Variants in DMD observed in about 807,000 individuals in gnomAD.
DMD encodes the protein dystrophin.
Under a neutral mutation model 330.1 loss-of-function variants are expected in DMD, and 63 were observed. The ratio of observed to expected loss-of-function variants is 0.19; its 90% confidence interval spans 0.16 to 0.24. DMD has a LOEUF of 0.24. DMD is among the 10% of genes least tolerant of loss of function. DMD has a pLI of 1.00. For missense variants in DMD, 3,344 were observed against 2,684.1 expected, an observed-to-expected ratio of 1.25 and a Z score of -5.43; for synonymous variants, 1,223 against 959.8, an observed-to-expected ratio of 1.27 and a Z score of -5.07.
At chrX:32,493,195 C>G (rs1431761549) in intron 19 of DMD, among the ~76,000 whole-genome samples, 1 of 111,473 alleles carries the variant, frequency 9.0e-6, no homozygotes, top group Non-Finnish European at 1.9e-5. Context: ...TCCCTCTGCC[C>G]TGATAGTCTA....
At chrX:32,595,677 C>A (rs1382535809) in intron 13 of DMD, 80 bp downstream of exon 13, 2 of 952,742 alleles carry the variant, frequency 2.1e-6, no homozygotes, top group East Asian at 3.4e-5. Flanking sequence ...ATATAAATTG[C>A]ATTCTAAATT....
chrX:32,930,289 C>T (rs945182331), intron 2 of DMD, among the ~76,000 whole-genome samples: 6 of 110,446 alleles, frequency 5.4e-5, no homozygotes, highest in African/African-American at 1.6e-4. Flanking sequence ...ATCCTAAAGT[C>T]GAAAAATTGT....
chrX:32,260,064 C>G (rs1215021263), intron 43 of DMD, among the ~76,000 whole-genome samples: 1 of 111,143 alleles, frequency 9.0e-6, no homozygotes, highest in Non-Finnish European at 1.9e-5. Context: ...CTTTGGATAT[C>G]TTGGTATTGA....
Position 33,220,330 on chromosome X carries a change from G to C in DMD, c.7+118929C>G, listed in dbSNP as rs563199476. ...AAGCAGGCTCACCCCTACCATTTCA[G>C]TCTTGGATGGATACTCAGTACTAGT... On this transcript the variant is annotated intron_variant, in intron 1 of 17. Coordinates refer to the DMD transcript ENST00000288447. Among the ~76,000 whole-genome samples the C allele has an allele frequency of 3.6e-4, 40 of 111,304 alleles. No individual in the cohort carries two copies. The South Asian group carries it at 0.013, about 37-fold the overall frequency.
At chrX:32,095,077 G>T (rs2096496759) in intron 44 of DMD, among the ~76,000 whole-genome samples, 1 of 111,499 alleles carries the variant, frequency 9.0e-6, no homozygotes, top group African/African-American at 3.3e-5. Flanking sequence ...TGTGCTGGAG[G>T]TGAATTACCA....
chrX:32,084,702 T>G (rs2147931738), intron 44 of DMD, among the ~76,000 whole-genome samples: 1 of 111,562 alleles, frequency 9.0e-6, no homozygotes, highest in South Asian at 3.8e-4. Context: ...AGTTGCCAAT[T>G]ACACTGCCGA....
intron 44 of DMD, among the ~76,000 whole-genome samples, chrX:32,170,361 A>G (rs2038865528): frequency 9.2e-6 from 1 of 109,200 alleles, no homozygotes; most frequent in Admixed American, 9.9e-5. Context: ...AATCCCAGCT[A>G]TTCAGGAGGC....
intron 53 of DMD, among the ~76,000 whole-genome samples, chrX:31,667,876 T>C (rs751660128): frequency 3.6e-5 from 4 of 112,183 alleles, no homozygotes; most frequent in African/African-American, 1.3e-4. Context: ...TTCACCATTT[T>C]ACATTTCCAC....
intron 62 of DMD, among the ~76,000 whole-genome samples, chrX:31,265,206 C>G (rs923393667): frequency 8.9e-6 from 1 of 112,608 alleles, no homozygotes; most frequent in Non-Finnish European, 1.9e-5. Context: ...TTGATCCACA[C>G]ACACAAATGA....
chrX:32,435,298 T>TATATATATATATATATATATATATATA (rs1158324376), intron 29 of DMD, among the ~76,000 whole-genome samples: 7 of 61,672 alleles, frequency 1.1e-4, no homozygotes, highest in Non-Finnish European at 2.4e-4. Context: ...ATATATATAT[T>TATATATATATATATATATATATATATA]TACACCCATA....
At chrX:31,644,316 A>G (rs1209071041) in intron 54 of DMD, among the ~76,000 whole-genome samples, 1 of 111,852 alleles carries the variant, frequency 8.9e-6, no homozygotes, top group South Asian at 3.7e-4. Flanking sequence ...ACAGAACCTA[A>G]CATCATATAG....
intron 60 of DMD, among the ~76,000 whole-genome samples, chrX:31,418,993 G>A (rs1569540166): frequency 9.2e-6 from 1 of 109,185 alleles, no homozygotes; most frequent in Non-Finnish European, 1.9e-5. Flanking sequence ...GGCCCAGGCC[G>A]GAGTGCAGTG....
intron 61 of DMD, among the ~76,000 whole-genome samples, chrX:31,324,648 G>C (rs1228606487): frequency 9.0e-6 from 1 of 111,223 alleles, no homozygotes; most frequent in Non-Finnish European, 1.9e-5. Flanking sequence ...TTAATATCTA[G>C]CAACTTTATG....
chrX:31,914,547 T>G (rs772573534), intron 47 of DMD, among the ~76,000 whole-genome samples: 1 of 112,416 alleles, frequency 8.9e-6, no homozygotes, highest in African/African-American at 3.2e-5. Flanking sequence ...AGTACTATTC[T>G]GCCATAGAAA....
At chrX:32,387,803 G>T (rs897197182) in intron 32 of DMD, among the ~76,000 whole-genome samples, 1 of 111,347 alleles carries the variant, frequency 9.0e-6, no homozygotes, top group Non-Finnish European at 1.9e-5. Flanking sequence ...TGGAATCAGA[G>T]ATTTTTCTAA....
chrX:31,130,613 G>A (rs769715508), intron 77 of DMD, among the ~76,000 whole-genome samples: 4 of 111,761 alleles, frequency 3.6e-5, no homozygotes, highest in Non-Finnish European at 7.5e-5. Flanking sequence ...GTTGGCCATC[G>A]GTTTATCACT....
Position 33,302,177 on chromosome X carries a change from G to A in DMD, c.7+37082C>T, listed in dbSNP as rs1477475022. On this transcript the variant is annotated intron_variant, in intron 1 of 17. Transcript: ENST00000288447. The stretch of plus-strand genomic sequence containing the variant: ...CTGACCCTTATTTTTCAGCTACTTA[G>A]GTTGCTGGTCATTTCCACTTTTCTT... Among the ~76,000 whole-genome samples the A allele has an allele frequency of 1.1e-4, 12 of 111,430 alleles. No individual in the cohort carries two copies. In the South Asian group the frequency reaches 2.3e-3, roughly 21 times the overall value.
chrX:31,545,536 G>A (rs2074096131), intron 55 of DMD, among the ~76,000 whole-genome samples: 1 of 112,406 alleles, frequency 8.9e-6, no homozygotes, highest in South Asian at 3.7e-4. Context: ...AAAAAATACT[G>A]TGTGCTATCT....
chrX:33,257,755 T>C (rs1031020763), intron 1 of DMD, among the ~76,000 whole-genome samples: 1 of 110,790 alleles, frequency 9.0e-6, no homozygotes, highest in African/African-American at 3.3e-5. Context: ...TCCAAGCTTC[T>C]TGTCCTTCAG....
Sources: gnomAD v4.1 joint callset for allele counts (sites outside exome capture counted in the v4.1 genomes callset) on GRCh38, gnomAD v4.1.1 for gene constraint, MANE v1.5 for transcripts, NCBI Gene and HGNC (gene_info 2026-07-23, HGNC 2026-07-21) for gene names.